Variants in LARP1B observed in about 807,000 individuals in gnomAD.
LARP1B encodes the protein La ribonucleoprotein 1B.
In LARP1B, 76 loss-of-function variants were observed where a neutral mutation model predicts 114.2. The ratio of observed to expected loss-of-function variants is 0.67; its 90% CI spans 0.55 to 0.81. The LOEUF (loss-of-function observed/expected upper bound fraction) is 0.81. Among genes scored for constraint, LARP1B ranks in the 30% least tolerant of loss-of-function variants. The pLI, the probability that LARP1B is intolerant of heterozygous loss-of-function variation, is 0.00. For missense variants in LARP1B, 1,014 were observed against 1,075.8 expected (o/e 0.94, Z 0.80); for synonymous variants, 345 against 348.0 (o/e 0.99, Z 0.10).
intron 8 of LARP1B, among the ~76,000 whole-genome samples, chr4:128,098,737 A>T: frequency 3.2e-5 from 1 of 31,122 alleles, no homozygotes; most frequent in South Asian, 2.9e-3. Flanking sequence ...GTGTTCCTGT[A>T]TATGTATGTG....
intron 11 of LARP1B, among the ~76,000 whole-genome samples, chr4:128,125,211 G>C (rs1469666005): frequency 6.7e-6 from 1 of 149,572 alleles, no homozygotes; most frequent in Non-Finnish European, 1.5e-5. Flanking sequence ...ACCCAAAACG[G>C]GTAAAAACCA....
intron 8 of LARP1B, among the ~76,000 whole-genome samples, chr4:128,105,272 A>C (rs1171360018): frequency 6.6e-6 from 1 of 152,104 alleles, no homozygotes; most frequent in East Asian, 1.9e-4. Flanking sequence ...TCTGATTTTC[A>C]TATCATAGAT....
At chr4:128,200,336 T>A (rs1755557253) in intron 16 of LARP1B, among the ~76,000 whole-genome samples, 185 bp from the exon 17 acceptor site, 1 of 152,180 alleles carries the variant, frequency 6.6e-6, no homozygotes, top group South Asian at 2.1e-4. Context: ...CCCTCACATG[T>A]GCAGTTCACA....
chr4:128,141,053 A>T (rs966438590), intron 11 of LARP1B, among the ~76,000 whole-genome samples: 2 of 151,992 alleles, frequency 1.3e-5, no homozygotes. Flanking sequence ...TGACCTCGTG[A>T]TCCACCTGCC....
chr4:128,139,579 C>T (rs1384421885), intron 11 of LARP1B, among the ~76,000 whole-genome samples: 2 of 103,412 alleles, frequency 1.9e-5, no homozygotes, highest in African/African-American at 5.8e-5. Context: ...AACTGTATAA[C>T]TGTTAAAAAA....
At chr4:128,198,045 C>T (rs1754823742) in intron 15 of LARP1B, among the ~76,000 whole-genome samples, 1 of 151,834 alleles carries the variant, frequency 6.6e-6, no homozygotes, top group African/African-American at 2.4e-5. Flanking sequence ...CCACCACGTC[C>T]AGCTAATTTT....
chr4:128,204,813 C>T lies in LARP1B; in HGVS notation c.2310-1615C>T, dbSNP rs181967053. Among the ~76,000 whole-genome samples, 27 of 151,836 alleles carry T rather than the reference C, an allele frequency of 1.8e-4. No individual in the cohort carries two copies. In the East Asian group the frequency reaches 4.1e-3, roughly 23 times the overall value. ...ATTGCATGCCTGTATCAAAACATGT[C>T]ATGTGCCCCATAAATATATGCACCC... On this transcript the variant is annotated intron_variant, in intron 17 of 19. Transcript: ENST00000326639.
In LARP1B at chr4:128,178,522, A is replaced by G. The variant is rs2150660024; in HGVS notation, c.1776A>G (p.Glu592=). Residue 592 remains glutamate, a synonymous_variant, in exon 14 of 20, where the codon GAA becomes GAG. Coordinates refer to ENST00000326639, the MANE Select transcript of LARP1B (RefSeq NM_018078.4). ...ATTCGTTGCCTACAGCAGTTCCAGA[A>G]TCTCCTAGAATTCATCCTACAAGAA... ...MVHSLPTAVP[E]SPRIHPTRTP... 6.2e-7 allele frequency: 1 copy of G among 1,614,056 alleles called. No homozygotes were observed. The highest frequency in any genetic ancestry group is 8.5e-7 in the Non-Finnish European group (1 of 1,179,944).
intron 11 of LARP1B, chr4:128,122,581 G>T (rs1038559398): frequency 2.0e-6 from 3 of 1,504,348 alleles, no homozygotes; most frequent in Non-Finnish European, 2.6e-6. Flanking sequence ...GGCTCTCACC[G>T]CAGCTGTATG....
At chr4:128,201,883 C>G (rs1040842815) in intron 17 of LARP1B, among the ~76,000 whole-genome samples, 2 of 152,098 alleles carry the variant, frequency 1.3e-5, no homozygotes, top group African/African-American at 4.8e-5. Context: ...TAAACTTACC[C>G]TTCTTTAAGT....
chr4:128,206,698 TAAG>T, intron 18 of LARP1B, 161 bp downstream of exon 18: 1 of 985,436 alleles, frequency 1.0e-6, no homozygotes, highest in Non-Finnish European at 1.2e-6. Context: ...CACCAGGTAG[TAAG>T]AAGGCCTTTC....
intron 17 of LARP1B, among the ~76,000 whole-genome samples, chr4:128,202,714 C>A (rs1241920284): frequency 6.6e-6 from 1 of 152,132 alleles, no homozygotes; most frequent in Non-Finnish European, 1.5e-5. Flanking sequence ...GTTTCTAATA[C>A]CTTTGTAACA....
chr4:128,162,042 A>G (rs1487486569), intron 11 of LARP1B, 152 bp from the exon 12 acceptor site: 1 of 559,532 alleles, frequency 1.8e-6, no homozygotes, highest in Non-Finnish European at 3.1e-6. Context: ...GTTATTAAGT[A>G]TAATGCTAGA....
intron 8 of LARP1B, among the ~76,000 whole-genome samples, chr4:128,101,857 G>A (rs1443741311): frequency 6.6e-6 from 1 of 152,132 alleles, no homozygotes; most frequent in African/African-American, 2.4e-5. Flanking sequence ...TTTTTATGAA[G>A]TTGTTGCCAT....
At chr4:128,155,763 G>A (rs1307556010) in intron 11 of LARP1B, 1 of 1,604,554 alleles carries the variant, frequency 6.2e-7, no homozygotes, top group Non-Finnish European at 8.5e-7. Flanking sequence ...GTAGGAACTG[G>A]AGGAAGGAAC....
At chr4:128,209,816 C>A in intron 19 of LARP1B, 40 bp from the exon 20 acceptor site, 1 of 1,532,984 alleles carries the variant, frequency 6.5e-7, no homozygotes, top group Non-Finnish European at 9.0e-7. Context: ...GGAGGAAAAA[C>A]AGTAAAATTG....
intron 7 of LARP1B, among the ~76,000 whole-genome samples, chr4:128,096,312 A>G (rs565369179): frequency 6.6e-6 from 1 of 152,198 alleles, no homozygotes; most frequent in African/African-American, 2.4e-5. Flanking sequence ...TATAATTTAA[A>G]CATGTATTTC....
At chr4:128,147,479 G>A (rs1490697227) in intron 11 of LARP1B, among the ~76,000 whole-genome samples, 2 of 152,216 alleles carry the variant, frequency 1.3e-5, no homozygotes, top group Admixed American at 1.3e-4. Context: ...GCTAGAGAAG[G>A]TAGCTGGTGG....
intron 11 of LARP1B, among the ~76,000 whole-genome samples, chr4:128,146,614 A>G (rs1002879221): frequency 2.6e-5 from 4 of 152,172 alleles, no homozygotes; most frequent in Non-Finnish European, 5.9e-5. Flanking sequence ...TAAGGTCAAT[A>G]TGGTGGTTTT....
Sources: allele counts gnomAD v4.1 joint callset (sites outside exome capture counted in the v4.1 genomes callset), GRCh38; gene constraint gnomAD v4.1.1; transcripts MANE v1.5; gene names NCBI Gene and HGNC (gene_info 2026-07-23, HGNC 2026-07-21).